The following RAD51D variants were observed in gnomAD, a reference collection of about 807,000 sequenced individuals.
The protein encoded by RAD51D is DNA repair protein RAD51 homolog 4.
Under a neutral mutation model 44.1 loss-of-function variants are expected in RAD51D, and 38 were observed. That is an observed-to-expected ratio of 0.86 (90% confidence interval 0.67 to 1.13). The LOEUF is 1.13. Among genes scored for constraint, RAD51D ranks in the 50% most tolerant of loss-of-function variants. The probability of loss-of-function intolerance (pLI) is 0.00; values close to 1 mark genes in which losing one functional copy is unlikely to be tolerated. For missense variants in RAD51D, 390 were observed against 414.0 expected (o/e 0.94, Z 0.50); for synonymous variants, 141 against 166.6 (o/e 0.85, Z 1.18).
At chr17:35,112,650 T>C (rs1209657978) in intron 3 of RAD51D, among the ~76,000 whole-genome samples, 1 of 152,234 alleles carries the variant, frequency 6.6e-6, no homozygotes, top group Non-Finnish European at 1.5e-5. Context: ...AGTGCTGGGA[T>C]TACAGGCATG....
At chr17:35,106,196 A>G in intron 6 of RAD51D, 190 bp downstream of exon 6, 1 of 734,258 alleles carries the variant, frequency 1.4e-6, no homozygotes, top group Middle Eastern at 2.3e-4. Context: ...TTCAGCAGGG[A>G]AGATGAACAT....
chr17:35,097,583 G>A lies in RAD51D; in HGVS notation c.*3370C>T, dbSNP rs2091496449. 6.7e-6 allele frequency: 1 copy of A among 150,286 alleles called. No individual in the cohort carries two copies. The highest frequency in any genetic ancestry group is 3.2e-3 in the Middle Eastern group (1 of 312). The allele number at this position is 150,286 out of a possible 1,614,324, so 9.3% of individuals were successfully genotyped here. ...TCCTAAGAACTAGAGAGTGCCCTCA[G>A]GTCTCAAACCACCCCCGCAGGGGAA... On this transcript the variant is annotated 3_prime_UTR_variant, in exon 10 of 10. Transcript: ENST00000345365.
At chr17:35,109,818 C>T (rs1275975986) in intron 3 of RAD51D, among the ~76,000 whole-genome samples, 1 of 152,126 alleles carries the variant, frequency 6.6e-6, no homozygotes, top group Admixed American at 6.6e-5. Flanking sequence ...CAGGCATGCA[C>T]CACCACGCCT....
Position 35,119,545 on chromosome 17 carries a change from G to A in RAD51D, c.69C>T (p.His23=), listed in dbSNP as rs1597878540. The A allele has an allele frequency of 5.0e-6, 8 of 1,612,438 alleles. No individual in the cohort carries two copies. The highest frequency in any genetic ancestry group is 6.8e-6 in the Non-Finnish European group (8 of 1,179,934). ...TEEMIQLLRS[H]RIKTVVDLVS... ...ACACCCGGTCACCTGTCTTGATCCT[G>A]TGGCTCCTGAGAAGCTGGATCATCT... is the stretch of plus-strand genomic sequence containing the variant. Residue 23 remains histidine (H), a synonymous_variant, in exon 1 of 10, where the codon CAC becomes CAT. Transcript: ENST00000345365.
rs920002237 is a variant in RAD51D, at chr17:35,103,429, C to T, written c.667+25G>A. 1 of 1,612,600 alleles carries T rather than the reference C, an allele frequency of 6.2e-7. No homozygotes were observed. Among genetic ancestry groups the T allele is most frequent in the Non-Finnish European group, 8.5e-7 (1 of 1,178,620 alleles). On this transcript the variant is annotated intron_variant, in intron 7 of 9. Transcript: ENST00000345365. This position sits in a 1 kb window ranked among gnomAD's most constrained non-coding sequence, Gnocchi z 4.1. ...GGGAGGCGAGGTCACATTCCACTGGCCCCAGGCTCTGCCACATCACTCACC... is the reference window on the plus strand; with the variant it reads ...GGGAGGCGAGGTCACATTCCACTGGTCCCAGGCTCTGCCACATCACTCACC...
At chr17:35,119,272 G>T in intron 1 of RAD51D, 100 bp from the exon 2 acceptor site, 1 of 1,179,412 alleles carries the variant, frequency 8.5e-7, no homozygotes, top group Non-Finnish European at 1.3e-6. Flanking sequence ...TCTACCCCCC[G>T]GCAGGCCGTC....
At chr17:35,111,280 G>C (rs965015234) in intron 3 of RAD51D, among the ~76,000 whole-genome samples, 3 of 151,714 alleles carry the variant, frequency 2.0e-5, no homozygotes. Context: ...CTTGAACCCG[G>C]GAGGCGGAGG....
rs1458813748 is a variant in RAD51D at position 35,101,290 on chromosome 17, G to A, written c.814C>T (p.Pro272Ser). 3.7e-6 allele frequency: 6 copies of A among 1,614,006 alleles called. No individual in the cohort carries two copies. In the Admixed American group the frequency reaches 8.3e-5, roughly 22 times the overall value. ...PALGRSWSFV[P>S]STRILLDTIE... ...GTGTCCAGGAGAATCCGAGTGCTGGGCACAAAGCTCCAGGAGCGTCCGAGG... is the reference window on the plus strand; with the variant it reads ...GTGTCCAGGAGAATCCGAGTGCTGGACACAAAGCTCCAGGAGCGTCCGAGG... The change falls in exon 9 of 10, where the codon CCC becomes TCC. Residue 272 changes from proline to serine, a missense_variant. Pro to Ser is a moderately conservative substitution (Grantham distance 74). Transcript: ENST00000345365.
rs770831162 is a variant in RAD51D at position 35,100,913 on chromosome 17, G to C, written c.*40C>G. 1.5e-5 allele frequency: 24 copies of C among 1,552,532 alleles called. No homozygotes were observed. Among genetic ancestry groups the C allele is most frequent in the Non-Finnish European group, 2.1e-5 (24 of 1,124,918 alleles). On this transcript the variant is annotated 3_prime_UTR_variant, in exon 10 of 10. Transcript: ENST00000345365. ...GTTACTGGGAAGAAAAGTTGGGAGG[G>C]GTCCCCAATGCTTCCCTGTTTCCCA... is the stretch of plus-strand genomic sequence containing the variant.
chr17:35,107,528 A>G (rs1250253737), intron 3 of RAD51D, 81 bp from the exon 4 acceptor site: 1 of 1,133,322 alleles, frequency 8.8e-7, no homozygotes, highest in Middle Eastern at 1.9e-4. Flanking sequence ...AAAGTAAGAC[A>G]TTTCTTTCAA....
At chr17:35,115,949 GAAGAAAGGAAAGA>G (rs1252048983) in intron 3 of RAD51D, among the ~76,000 whole-genome samples, 1 of 57,342 alleles carries the variant, frequency 1.7e-5, no homozygotes, top group East Asian at 6.6e-4. Flanking sequence ...GAAAGAAAAG[GAAGAAAGGAAAGA>G]AAGAAAGAAA....
At chr17:35,101,160 CA>C (rs776385520) in intron 9 of RAD51D, 40 bp downstream of exon 9, 47 of 1,613,940 alleles carry the variant, frequency 2.9e-5, no homozygotes, top group Non-Finnish European at 4.0e-5. Context: ...AACCACCCTC[CA>C]GGGCCCAAGA....
intron 1 of RAD51D, 124 bp downstream of exon 1, chr17:35,119,408 C>T (rs1200178519): frequency 9.3e-6 from 11 of 1,177,264 alleles, no homozygotes; most frequent in South Asian, 1.2e-5. Context: ...TCTCCAGAAG[C>T]GCGGCCCTCT....
At chr17:35,112,864 C>T (rs1045390380) in intron 3 of RAD51D, among the ~76,000 whole-genome samples, 1 of 152,166 alleles carries the variant, frequency 6.6e-6, no homozygotes, top group African/African-American at 2.4e-5. Flanking sequence ...GGACTGGGTC[C>T]GATCCCTGTC....
Position 35,118,500 on chromosome 17 carries a change from C to T in RAD51D, c.263+1G>A, listed in dbSNP as rs1555570242. 3 of 1,612,760 alleles carry T rather than the reference C, an allele frequency of 1.9e-6. No homozygotes were observed. The highest frequency in any genetic ancestry group is 2.2e-5 in the East Asian group (1 of 44,878). ...CTTCTTCCCCAAGTACACACACAAA[C>T]CTGCCAATGCCAGTGGACAGGATGG... On this transcript the variant is annotated splice_donor_variant, in intron 3 of 9. Transcript: ENST00000345365. LOFTEE classifies it high-confidence loss of function.
intron 3 of RAD51D, chr17:35,115,440 A>G (rs2091725129): frequency 2.5e-6 from 1 of 393,014 alleles, no homozygotes; most frequent in South Asian, 1.8e-5. Flanking sequence ...CCTCAGCACT[A>G]AAGGTTCTGA....
At chr17:35,118,407 A>AC (rs2091773949) in intron 3 of RAD51D, 94 bp downstream of exon 3, 2 of 1,044,470 alleles carry the variant, frequency 1.9e-6, no homozygotes, top group Non-Finnish European at 2.9e-6. Flanking sequence ...TAAAAAAAAA[A>AC]CCCCTCCCGT....
chr17:35,115,896 A>AAAAGAAGG (rs1555569831), intron 3 of RAD51D, among the ~76,000 whole-genome samples: 2 of 84,716 alleles, frequency 2.4e-5, no homozygotes, highest in African/African-American at 9.9e-5. Context: ...GGAAAGAAGG[A>AAAAGAAGG]AAGGAAGGAA....
At chr17:35,113,916 C>A (rs1054259232) in intron 3 of RAD51D, among the ~76,000 whole-genome samples, 1 of 152,208 alleles carries the variant, frequency 6.6e-6, no homozygotes, top group African/African-American at 2.4e-5. Context: ...GATTTTGAAG[C>A]CTGCTCAAGT....
Sources: allele counts gnomAD v4.1 joint callset (sites outside exome capture counted in the v4.1 genomes callset), GRCh38; gene constraint gnomAD v4.1.1; non-coding constraint Gnocchi (gnomAD v3.1); transcripts MANE v1.5; gene names NCBI Gene and HGNC (gene_info 2026-07-23, HGNC 2026-07-21).